SLCO3A1: variants seen among roughly 807,000 people sequenced by gnomAD.
SLCO3A1 encodes the protein solute carrier organic anion transporter family member 3A1.
SLCO3A1 carries 27 observed loss-of-function variants against 63.1 expected under a neutral mutation model. That is an observed-to-expected ratio of 0.43 (90% confidence interval 0.32 to 0.59). The LOEUF (loss-of-function observed/expected upper bound fraction) is 0.59. SLCO3A1 is among the 20% of genes least tolerant of loss of function. The pLI is 0.09. For missense variants in SLCO3A1, 773 were observed against 945.8 expected (o/e 0.82, Z 2.40); for synonymous variants, 473 against 409.9 (o/e 1.15, Z -1.86).
At chr15:92,009,629 G>A (rs1188262441) in intron 2 of SLCO3A1, among the ~76,000 whole-genome samples, 1 of 152,162 alleles carries the variant, frequency 6.6e-6, no homozygotes, top group East Asian at 1.9e-4. Context: ...AGGTCAACAA[G>A]TCTCAGTTTC....
intron 4 of SLCO3A1, 32 bp from the exon 5 acceptor site, chr15:92,120,433 A>T: frequency 6.2e-7 from 1 of 1,609,902 alleles, no homozygotes; most frequent in Non-Finnish European, 8.5e-7. Flanking sequence ...TGTGACCTTG[A>T]CCCTGACCAT....
At position 92,141,809 on chromosome 15, in the gene SLCO3A1, A is replaced by G. The variant is rs116725540; in HGVS notation, c.1513-5175A>G. On this transcript the variant is annotated intron_variant, in intron 7 of 9. Coordinates refer to ENST00000318445, the MANE Select transcript of SLCO3A1 (RefSeq NM_013272.4). ...TTATGCACCCATCTCCCTTAGCACA[A>G]CGTTGGACAAATCTGGGCTCTTATG... Among the ~76,000 whole-genome samples the G allele has an allele frequency of 4.3e-3, 652 of 152,242 alleles. 7 individuals are homozygous for G. The highest frequency in any genetic ancestry group is 0.015 in the African/African-American group (612 of 41,540).
Position 91,953,587 on chromosome 15 carries a change from C to T in SLCO3A1, c.646+37129C>T, listed in dbSNP as rs150177788. ...GGCCTGCACTCACAGAACTACAGGG[C>T]GTGGAAGGGAACTGCGCGAAGCCTG... is the stretch of plus-strand genomic sequence containing the variant. On this transcript the variant is annotated intron_variant, in intron 2 of 9. Coordinates refer to ENST00000318445, the MANE Select transcript of SLCO3A1 (RefSeq NM_013272.4). Among the ~76,000 whole-genome samples, 520 of 152,214 alleles carry T rather than the reference C, an allele frequency of 3.4e-3. 4 individuals are homozygous for T. Among genetic ancestry groups the T allele is most frequent in the African/African-American group, 0.012 (478 of 41,548 alleles).
intron 4 of SLCO3A1, among the ~76,000 whole-genome samples, chr15:92,110,156 C>T (rs1376750606): frequency 6.6e-6 from 1 of 152,148 alleles, no homozygotes; most frequent in Non-Finnish European, 1.5e-5. Context: ...TTTTGAGGAG[C>T]TGAGATCCTC....
At chr15:91,910,466 T>G (rs1898448909) in intron 1 of SLCO3A1, among the ~76,000 whole-genome samples, 1 of 152,218 alleles carries the variant, frequency 6.6e-6, no homozygotes, top group South Asian at 2.1e-4. Flanking sequence ...GGACTGAATT[T>G]GAAGTGAAGT....
At position 91,989,154 on chromosome 15, in the gene SLCO3A1, A is replaced by C. The variant is rs544367739; in HGVS notation, c.646+72696A>C. 1.7e-4 allele frequency among the ~76,000 whole-genome samples: 26 copies of C among 152,322 alleles called. No homozygotes were observed. The South Asian group carries it at 5.4e-3, about 32-fold the overall frequency. On this transcript the variant is annotated intron_variant, in intron 2 of 9. Transcript: ENST00000318445. ...TGTTTATTCCACTGTGCCTTCGCAT[A>C]AGTGTCCTCTATTAACCTGCCGCAA...
At chr15:92,026,523 C>G (rs1160641765) in intron 2 of SLCO3A1, among the ~76,000 whole-genome samples, 1 of 152,148 alleles carries the variant, frequency 6.6e-6, no homozygotes, top group African/African-American at 2.4e-5. Flanking sequence ...TACAAAGCAG[C>G]TAGAGTCCAC....
Position 91,880,403 on chromosome 15 carries a change from C to CTGTGTGTGTGTG in SLCO3A1, c.180+26316_180+26317insGTGTGTGTGTGT, listed in dbSNP as rs1324272484. On this transcript the variant is annotated intron_variant, in intron 1 of 9. Transcript: ENST00000318445. ...TGCTTCTCTCTCTCTCTCTCTCTCT[C>CTGTGTGTGTGTG]TCTCTCTGTGTGTGTGTGTGTGTAG... Among the ~76,000 whole-genome samples, 1,319 of 140,528 alleles carry CTGTGTGTGTGTG rather than the reference C, an allele frequency of 9.4e-3. 12 individuals are homozygous for CTGTGTGTGTGTG. Among genetic ancestry groups the CTGTGTGTGTGTG allele is most frequent in the South Asian group, 0.016 (65 of 4,116 alleles). The allele number at this position is 140,528 out of a possible 152,430, so 92.2% of individuals were successfully genotyped here. A position where few individuals can be genotyped will look rare whatever the true frequency, so the allele number is the denominator to read the frequency against.
At position 92,032,066 on chromosome 15, in the gene SLCO3A1, G is replaced by T. The variant is rs376448724; in HGVS notation, c.647-62815G>T. 1.3e-4 allele frequency among the ~76,000 whole-genome samples: 20 copies of T among 152,172 alleles called. 1 individual carries two copies. The highest frequency in any genetic ancestry group is 9.8e-4 in the Admixed American group (15 of 15,280). On this transcript the variant is annotated intron_variant, in intron 2 of 9. Transcript: ENST00000318445. ...CGTCCATGCATGGTTGTCGTTGTTGGTAGTGATATTCAGTCTACCCTCATT... is the reference window on the plus strand; with the variant it reads ...CGTCCATGCATGGTTGTCGTTGTTGTTAGTGATATTCAGTCTACCCTCATT...
At chr15:92,166,136 A>G (rs2048492170), downstream of SLCO3A1, among the ~76,000 whole-genome samples, 1 of 152,086 alleles carries the variant, frequency 6.6e-6, no homozygotes. Context: ...TCTCTAGGGG[A>G]CAGGGTTTGC....
chr15:91,994,420 G>A (rs941882413), intron 2 of SLCO3A1, among the ~76,000 whole-genome samples: 1 of 152,148 alleles, frequency 6.6e-6, no homozygotes, highest in Non-Finnish European at 1.5e-5. Flanking sequence ...AAAATGTTGA[G>A]CTGGAATTTG....
At position 91,982,763 on chromosome 15, in the gene SLCO3A1, T is replaced by C. The variant is rs543671327; in HGVS notation, c.646+66305T>C. Reference sequence around the variant, plus strand: ...CTAAGATGGGTGGGAGGACAGGTGTTGCACACCAGCCCTACAGGAGGTGTT... The same window carrying C: ...CTAAGATGGGTGGGAGGACAGGTGTCGCACACCAGCCCTACAGGAGGTGTT... On this transcript the variant is annotated intron_variant, in intron 2 of 9. Transcript: ENST00000318445. Among the ~76,000 whole-genome samples, 5 of 152,374 alleles carry C rather than the reference T, an allele frequency of 3.3e-5. No homozygotes were observed. The East Asian group carries it at 9.6e-4, about 29-fold the overall frequency.
rs34684344 is a variant in SLCO3A1 at position 92,002,405 on chromosome 15, T to G, written c.646+85947T>G. On this transcript the variant is annotated intron_variant, in intron 2 of 9. Transcript: ENST00000318445. Reference sequence around the variant, plus strand: ...TCATTCAGGACCTGTCTGGACAAAGTGATGTGTTTTTATCAGTCTGGCAAC... The same window carrying G: ...TCATTCAGGACCTGTCTGGACAAAGGGATGTGTTTTTATCAGTCTGGCAAC... Among the ~76,000 whole-genome samples, 1,285 of 152,298 alleles carry G rather than the reference T, an allele frequency of 8.4e-3. 8 individuals are homozygous for G. The highest frequency in any genetic ancestry group is 0.015 in the Non-Finnish European group (997 of 68,016).
intron 9 of SLCO3A1, among the ~76,000 whole-genome samples, chr15:92,156,408 G>A (rs2048372496): frequency 6.6e-6 from 1 of 152,164 alleles, no homozygotes; most frequent in African/African-American, 2.4e-5. Flanking sequence ...ACCCTTACCT[G>A]TACTGAGATG....
At chr15:92,141,385 C>T (rs1382814794) in intron 7 of SLCO3A1, among the ~76,000 whole-genome samples, 1 of 152,182 alleles carries the variant, frequency 6.6e-6, no homozygotes, top group Non-Finnish European at 1.5e-5. Flanking sequence ...CATATCACTT[C>T]ATTCAGACCA....
rs144490398 is a variant in SLCO3A1, at chr15:92,009,954, C to G, written c.647-84927C>G. 2.6e-5 allele frequency among the ~76,000 whole-genome samples: 4 copies of G among 152,238 alleles called. No individual in the cohort carries two copies. The East Asian group carries it at 7.8e-4, about 30-fold the overall frequency. On this transcript the variant is annotated intron_variant, in intron 2 of 9. Coordinates refer to ENST00000318445, the MANE Select transcript of SLCO3A1 (RefSeq NM_013272.4). The stretch of plus-strand genomic sequence containing the variant: ...GAGAGGGACAGTGGCACATGGAAGT[C>G]TTATGGAGAAGTGCCATGTGGGCTG...
intron 4 of SLCO3A1, among the ~76,000 whole-genome samples, chr15:92,105,757 G>A (rs1231585279): frequency 6.6e-6 from 1 of 152,202 alleles, no homozygotes; most frequent in Non-Finnish European, 1.5e-5. Flanking sequence ...CAGGGAAGCT[G>A]GGATGCAGAA....
intron 2 of SLCO3A1, among the ~76,000 whole-genome samples, chr15:91,944,852 G>A (rs913792222): frequency 6.6e-6 from 1 of 151,782 alleles, no homozygotes; most frequent in African/African-American, 2.4e-5. Context: ...TCTTTTTTTG[G>A]GTGCAACAGA....
chr15:92,120,625 G>C lies in SLCO3A1; in HGVS notation c.1170G>C (p.Leu390=), dbSNP rs765079163. ...TCACCACCTCTTCTGCCAACCAGCTGCTTGGTGAGTGTGTCCTCAGGCCTC... is the reference window on the plus strand; with the variant it reads ...TCACCACCTCTTCTGCCAACCAGCTCCTTGGTGAGTGTGTCCTCAGGCCTC... The part of the protein sequence containing the change: ...FNLTTSSANQ[L]LGMTAIPCAC... The change falls in exon 5 of 10, where the codon CTG becomes CTC. Residue 390 remains leucine (L), a synonymous_variant. Transcript: ENST00000318445. 5.0e-6 allele frequency: 8 copies of C among 1,613,552 alleles called. No homozygotes were observed. The highest frequency in any genetic ancestry group is 6.8e-6 in the Non-Finnish European group (8 of 1,179,806).
Sources: gnomAD v4.1 joint callset for allele counts (sites outside exome capture counted in the v4.1 genomes callset) on GRCh38, gnomAD v4.1.1 for gene constraint, MANE v1.5 for transcripts, NCBI Gene and HGNC (gene_info 2026-07-23, HGNC 2026-07-21) for gene names.